Variants in SASH1 observed in about 807,000 individuals in gnomAD.
The protein encoded by SASH1 is SAM and SH3 domain-containing protein 1.
A neutral mutation model predicts 125.2 loss-of-function variants in SASH1; 44 were observed. The ratio of observed to expected loss-of-function variants is 0.35; its 90% confidence interval spans 0.28 to 0.45. The LOEUF is 0.45. SASH1 is among the 20% of genes least tolerant of loss of function. SASH1 has a pLI of 1.00. For missense variants in SASH1, 1,426 were observed against 1,614.5 expected (o/e 0.88, Z 2.00); for synonymous variants, 639 against 649.1 (o/e 0.98, Z 0.24).
the SASH1 span, among the ~76,000 whole-genome samples, chr6:148,208,478 G>C: frequency 6.6e-6 from 1 of 152,128 alleles, no homozygotes; most frequent in Non-Finnish European, 1.5e-5. Flanking sequence ...CAGCATAGCA[G>C]AACTGTTATT....
intron 7 of SASH1, among the ~76,000 whole-genome samples, chr6:148,481,271 CGA>C (rs1157198750): frequency 6.6e-6 from 1 of 152,132 alleles, no homozygotes; most frequent in African/African-American, 2.4e-5. Context: ...CGTTGGCTTA[CGA>C]GAGTGTTGTG....
chr6:148,349,252 C>CTTTTTTTTTTTTTTTTTTTTTTTTTTTT, intron 1 of SASH1, among the ~76,000 whole-genome samples: 1 of 47,022 alleles, frequency 2.1e-5, no homozygotes, highest in Non-Finnish European at 3.7e-5. Context: ...TTCTTTCTTT[C>CTTTTTTTTTTTTTTTTTTTTTTTTTTTT]TTTTTTTTTT....
At chr6:148,335,008 G>T (rs909051833) in intron 1 of SASH1, among the ~76,000 whole-genome samples, 1 of 146,776 alleles carries the variant, frequency 6.8e-6, no homozygotes, top group African/African-American at 2.5e-5. Context: ...AAGAAAAAAA[G>T]AATTTGAGGC....
At chr6:148,481,302 G>T (rs1221753996) in intron 7 of SASH1, among the ~76,000 whole-genome samples, 2 of 152,054 alleles carry the variant, frequency 1.3e-5, no homozygotes, top group African/African-American at 4.8e-5. Flanking sequence ...GATCTTCTAC[G>T]CAGACCATTC....
At chr6:148,508,418 G>C in intron 8 of SASH1, 1 of 964,308 alleles carries the variant, frequency 1.0e-6, no homozygotes, top group Non-Finnish European at 1.2e-6. Context: ...TCAGATTCTC[G>C]CGTTCTTTTT....
the SASH1 span, among the ~76,000 whole-genome samples, chr6:148,204,309 G>A: frequency 6.6e-6 from 1 of 152,208 alleles, no homozygotes. Context: ...GTACAAAAGA[G>A]ACCAATTTCA....
intron 2 of SASH1, among the ~76,000 whole-genome samples, chr6:148,430,655 GAA>G (rs1272558360): frequency 1.3e-5 from 2 of 152,216 alleles, no homozygotes; most frequent in Non-Finnish European, 2.9e-5. Context: ...TTGGAAGAGA[GAA>G]GTGACACAGA....
At chr6:148,473,662 A>G (rs1326537050) in intron 6 of SASH1, among the ~76,000 whole-genome samples, 3 of 152,210 alleles carry the variant, frequency 2.0e-5, no homozygotes, top group African/African-American at 7.2e-5. Context: ...ATTCTTTCCC[A>G]CTTCTTTGCA....
chr6:148,530,300 G>T (rs917181078), intron 12 of SASH1, among the ~76,000 whole-genome samples: 1 of 151,958 alleles, frequency 6.6e-6, no homozygotes, highest in Non-Finnish European at 1.5e-5. Context: ...ATTTACTATT[G>T]CTGTTTTTCA....
chr6:148,491,773 C>T (rs1289936380), intron 8 of SASH1, among the ~76,000 whole-genome samples: 1 of 152,104 alleles, frequency 6.6e-6, no homozygotes, highest in African/African-American at 2.4e-5. Flanking sequence ...ATCTGAAAGC[C>T]CTGCCTGGTT....
rs114866819 is a variant in SASH1, at chr6:148,401,313, A to G, written c.285+11051A>G. Among the ~76,000 whole-genome samples, 158 of 152,214 alleles carry G rather than the reference A, an allele frequency of 1.0e-3. 1 individual carries two copies. Among genetic ancestry groups the G allele is most frequent in the African/African-American group, 2.7e-3 (113 of 41,530 alleles). On this transcript the variant is annotated intron_variant, in intron 2 of 19. Coordinates refer to ENST00000367467, the MANE Select transcript of SASH1 (RefSeq NM_015278.5). ...GTTATCCTGACTTTTCAACTATTCA[A>G]TATCAGGAAGGACACACACTAGCTC...
intron 1 of SASH1, among the ~76,000 whole-genome samples, chr6:148,318,286 A>G (rs1431210140): frequency 6.6e-6 from 1 of 152,218 alleles, no homozygotes; most frequent in Admixed American, 6.5e-5. Context: ...TATTTAATAT[A>G]CAGGGCAGTA....
intron 2 of SASH1, among the ~76,000 whole-genome samples, chr6:148,439,810 C>T (rs12210544): frequency 0.14 from 21,267 of 151,754 alleles, 1,663 homozygotes; most frequent in South Asian, 0.31. Context: ...AGTCTAGTGT[C>T]GTTGGAAAAC....
intron 1 of SASH1, among the ~76,000 whole-genome samples, chr6:148,375,384 CTT>C (rs5880777): frequency 5.5e-5 from 8 of 144,192 alleles, no homozygotes; most frequent in African/African-American, 1.0e-4. Flanking sequence ...ACATAGTTAA[CTT>C]TTTTTTTTTT....
intron 9 of SASH1, among the ~76,000 whole-genome samples, chr6:148,517,882 C>T (rs949519816): frequency 6.6e-6 from 1 of 152,204 alleles, no homozygotes; most frequent in South Asian, 2.1e-4. Flanking sequence ...TTCCCTGAAA[C>T]CCCTTAGGAC....
intron 1 of SASH1, among the ~76,000 whole-genome samples, chr6:148,295,312 C>G (rs1279843436): frequency 6.6e-6 from 1 of 152,148 alleles, no homozygotes; most frequent in Non-Finnish European, 1.5e-5. Context: ...AAGGAGTTCT[C>G]TGTTTGCACA....
chr6:148,478,966 T>C (rs1778492569), intron 7 of SASH1: 1 of 158,702 alleles, frequency 6.3e-6, no homozygotes. Flanking sequence ...AGTATGGGCA[T>C]ATGAGAAGTA....
At chr6:148,540,853 A>C (rs539372369) in intron 17 of SASH1, among the ~76,000 whole-genome samples, 92 of 152,310 alleles carry the variant, frequency 6.0e-4, no homozygotes, top group Non-Finnish European at 7.2e-4. Context: ...TATTAGGTCC[A>C]TAAGGAAAAC....
At chr6:148,456,654 A>C (rs1397635964) in intron 4 of SASH1, among the ~76,000 whole-genome samples, 1 of 152,096 alleles carries the variant, frequency 6.6e-6, no homozygotes, top group African/African-American at 2.4e-5. Flanking sequence ...TGAGCCCAGG[A>C]GTTCGAGACC....
Sources: gnomAD v4.1 joint callset for allele counts (sites outside exome capture counted in the v4.1 genomes callset) on GRCh38, gnomAD v4.1.1 for gene constraint, MANE v1.5 for transcripts, NCBI Gene and HGNC (gene_info 2026-07-23, HGNC 2026-07-21) for gene names.